PARP10: variants seen among roughly 807,000 people sequenced by gnomAD.
PARP10 encodes poly(ADP-ribose) polymerase family member 10.
A neutral mutation model predicts 82.4 loss-of-function variants in PARP10; 56 were observed. That is an observed-to-expected ratio of 0.68 (90% CI 0.55 to 0.85). The LOEUF (loss-of-function observed/expected upper bound fraction) is 0.85, where lower values mean the gene tolerates loss of function less well. Ranked by LOEUF, PARP10 falls within the 40% of genes least tolerant of loss-of-function variation. PARP10 has a pLI of 0.00. For missense variants in PARP10, 1,227 were observed against 1,379.4 expected (o/e 0.89, Z 1.75); for synonymous variants, 576 against 601.1 (o/e 0.96, Z 0.61).
rs558753353 is a variant in PARP10, at chr8:143,986,357, C to T, written c.2+1G>A. On this transcript the variant is annotated splice_donor_variant, in intron 1 of 10. Transcript: ENST00000313028. LOFTEE classifies it high-confidence loss of function. ...TGGGTGGCCCCACATACAGCACTTA[C>T]ATTCCCCGTGGCCGCTAGGCAGCCT... is the stretch of plus-strand genomic sequence containing the variant. 5.3e-5 allele frequency: 86 copies of T among 1,614,164 alleles called. No homozygotes were observed. In the East Asian group the frequency reaches 6.0e-4, roughly 11 times the overall value.
upstream of PARP10, among the ~76,000 whole-genome samples, chr8:143,995,883 T>C (rs1188540439): frequency 6.6e-6 from 1 of 152,230 alleles, no homozygotes; most frequent in Non-Finnish European, 1.5e-5. Context: ...AGCAGTGCCC[T>C]GTCCCAGCCA....
chr8:143,986,335 G>C (rs1381663767), intron 1 of PARP10, 23 bp downstream of exon 1: 4 of 1,613,994 alleles, frequency 2.5e-6, no homozygotes, highest in African/African-American at 1.3e-5. Context: ...CCCATTATGG[G>C]TGGCCCCACA....
In PARP10 at chr8:144,011,373, C is replaced by A. The variant is rs1554752499; in HGVS notation, c.-80+1157G>T. Among the ~76,000 whole-genome samples the A allele has an allele frequency of 6.6e-6, 1 of 152,036 alleles. No individual in the cohort carries two copies. Among genetic ancestry groups the A allele is most frequent in the African/African-American group, 2.4e-5 (1 of 41,416 alleles). On this transcript the variant is annotated intron_variant, in intron 1 of 3. Transcript: ENST00000530478. The surrounding 1 kb of genome is among the most constrained non-coding windows in gnomAD (Gnocchi z 4.5). The stretch of plus-strand genomic sequence containing the variant: ...GCATTAGAGGAGGGGTGGGGGTAGG[C>A]CCCCCATTGTGAGGTCCAGGCAGAA...
At chr8:143,991,379 C>A, upstream of PARP10, 1 of 1,201,550 alleles carries the variant, frequency 8.3e-7, no homozygotes, top group Non-Finnish European at 1.2e-6. Flanking sequence ...CCTCCCCCTA[C>A]GGTCAGCCAG....
chr8:143,991,415 C>A, upstream of PARP10: 1 of 1,325,828 alleles, frequency 7.5e-7, no homozygotes, highest in Non-Finnish European at 1.0e-6. Context: ...CCAGCCCCTA[C>A]CCCCAAGGGG....
rs1564248209 is a variant in PARP10 at position 143,981,304 on chromosome 8, T to TGATGGTGGTGACGAC, written c.2556+1627_2556+1628insGTCGTCACCACCATC. Among the ~76,000 whole-genome samples the TGATGGTGGTGACGAC allele has an allele frequency of 4.8e-4, 71 of 148,460 alleles. 3 individuals carry two copies. The highest frequency in any genetic ancestry group is 7.4e-4 in the Non-Finnish European group (49 of 65,948). ...ATGATGGTGGCCACGGTGGTGGTGG[T>TGATGGTGGTGACGAC]AGTGGTGGTGGTGATGGTGGTGACG... On this transcript the variant is annotated intron_variant, in intron 9 of 10. Coordinates refer to ENST00000313028, the MANE Select transcript of PARP10 (RefSeq NM_032789.5).
chr8:143,990,831 C>T (rs1343364605), upstream of PARP10: 2 of 158,106 alleles, frequency 1.3e-5, no homozygotes, highest in Admixed American at 1.3e-4. This position sits in a 1 kb window ranked among gnomAD's most constrained non-coding sequence, Gnocchi z 5.6. Flanking sequence ...CCCCACACGT[C>T]CCCGGCCGAG....
rs567149326 is a variant in PARP10 at position 144,011,442 on chromosome 8, C to A, written c.-80+1088G>T. On this transcript the variant is annotated intron_variant, in intron 1 of 3. Coordinates refer to the PARP10 transcript ENST00000530478. The surrounding 1 kb of genome is among the most constrained non-coding windows in gnomAD (Gnocchi z 4.5). ...CCCAGCCCTGGCTGACCTTCTTCCCCTTCCTCATTCCCACATTCTACCAGG... is the reference window on the plus strand; with the variant it reads ...CCCAGCCCTGGCTGACCTTCTTCCCATTCCTCATTCCCACATTCTACCAGG... 6.6e-6 allele frequency among the ~76,000 whole-genome samples: 1 copy of A among 152,276 alleles called. No homozygotes were observed. The highest frequency in any genetic ancestry group is 1.9e-4 in the East Asian group (1 of 5,174).
At chr8:143,995,875 C>G (rs892355329), upstream of PARP10, among the ~76,000 whole-genome samples, 2 of 152,188 alleles carry the variant, frequency 1.3e-5, no homozygotes, top group Non-Finnish European at 2.9e-5. Context: ...AAAGGGCAAG[C>G]AGTGCCCTGT....
chr8:143,990,298 C>T (rs1259647180), upstream of PARP10: 1 of 150,232 alleles, frequency 6.7e-6, no homozygotes, highest in African/African-American at 2.4e-5. This position sits in a 1 kb window ranked among gnomAD's most constrained non-coding sequence, Gnocchi z 5.6. Context: ...CGCATCCGAG[C>T]GTGGCCGCCT....
upstream of PARP10, among the ~76,000 whole-genome samples, chr8:143,993,603 G>A (rs1834135614): frequency 6.6e-6 from 1 of 152,212 alleles, no homozygotes; most frequent in Non-Finnish European, 1.5e-5. Context: ...CAGAGACCCT[G>A]GGGTGCCCAG....
At position 143,985,095 on chromosome 8, in the gene PARP10, G is replaced by T. The variant is rs782566216; in HGVS notation, c.907C>A (p.Gln303Lys). ...VTMGSGEEPG[Q>K]SGASLRTGPM... ...CCTGTCCTCAGAGAGGCCCCTGACT[G>T]CCCTGGTTCCTCGCCAGAGCCCATT... The change falls in exon 5 of 11, where the codon CAG (glutamine) becomes AAG (lysine). Residue 303 changes from glutamine (Q) to lysine (K), a missense_variant. Physicochemically the swap from Gln to Lys is moderately conservative, Grantham distance 53. Transcript: ENST00000313028. 1.2e-6 allele frequency: 2 copies of T among 1,613,808 alleles called. No homozygotes were observed. The highest frequency in any genetic ancestry group is 2.7e-5 in the African/African-American group (2 of 74,870).
At chr8:143,991,551 C>A (rs782708683), upstream of PARP10, 52 of 1,566,422 alleles carry the variant, frequency 3.3e-5, no homozygotes, top group Admixed American at 1.6e-4. Context: ...GAGCCCCTTC[C>A]CCCCCAACCC....
At chr8:144,009,922 G>T (rs1834262392) in intron 1 of PARP10, among the ~76,000 whole-genome samples, 1 of 152,096 alleles carries the variant, frequency 6.6e-6, no homozygotes, top group East Asian at 1.9e-4. Flanking sequence ...CTCATTGCTT[G>T]CTTGGAGGAC....
Position 144,011,884 on chromosome 8 carries a change from C to T in PARP10, c.-80+646G>A, listed in dbSNP as rs1419258067. 6.6e-6 allele frequency among the ~76,000 whole-genome samples: 1 copy of T among 152,198 alleles called. No individual in the cohort carries two copies. Among genetic ancestry groups the T allele is most frequent in the East Asian group, 1.9e-4 (1 of 5,176 alleles). On this transcript the variant is annotated intron_variant, in intron 1 of 3. Transcript: ENST00000530478. This position sits in a 1 kb window ranked among gnomAD's most constrained non-coding sequence, Gnocchi z 4.5. ...CACCTGGGTCAGAAGAAATCATGGG[C>T]GAGTGTCCAGGCCTTCAAGACACAG...
chr8:144,004,375 A>G (rs1328308594), intron 1 of PARP10, among the ~76,000 whole-genome samples: 2 of 152,226 alleles, frequency 1.3e-5, no homozygotes, highest in Non-Finnish European at 2.9e-5. Context: ...TAATGGGGAC[A>G]GTTTTCGTTT....
In PARP10 at chr8:144,002,242, T is replaced by C. The variant is rs1834207908; in HGVS notation, c.-80+10288A>G. Among the ~76,000 whole-genome samples the C allele has an allele frequency of 3.3e-5, 5 of 152,158 alleles. No individual in the cohort carries two copies. In the South Asian group the frequency reaches 1.0e-3, roughly 32 times the overall value. On this transcript the variant is annotated intron_variant, in intron 1 of 3. Coordinates refer to the PARP10 transcript ENST00000530478. ...CTCATACCAATTGATCTTTATTCAA[T>C]GTAAGTCCAATAAAAATCACAATAG... is the stretch of plus-strand genomic sequence containing the variant.
upstream of PARP10, chr8:143,991,285 A>G: frequency 6.7e-7 from 1 of 1,500,206 alleles, no homozygotes; most frequent in African/African-American, 1.4e-5. Context: ...AACCCTGGAT[A>G]TCCGGGGGGG....
At chr8:143,992,832 C>T (rs781992821), upstream of PARP10, 11 of 1,613,090 alleles carry the variant, frequency 6.8e-6, no homozygotes, top group Admixed American at 1.0e-4. Context: ...TTGGCCGCGC[C>T]AAGGAGTAGC....
Sources: allele counts gnomAD v4.1 joint callset (sites outside exome capture counted in the v4.1 genomes callset), GRCh38; gene constraint gnomAD v4.1.1; non-coding constraint Gnocchi (gnomAD v3.1); transcripts MANE v1.5; gene names NCBI Gene and HGNC (gene_info 2026-07-23, HGNC 2026-07-21).